CHL1: variants seen among roughly 807,000 people sequenced by gnomAD.
The protein encoded by CHL1 is cell adhesion molecule L1 like.
CHL1 carries 96 observed loss-of-function variants against 141.9 expected under a neutral mutation model. That is an observed-to-expected ratio of 0.68 (90% CI 0.57 to 0.80). The LOEUF is 0.80. Among genes scored for constraint, CHL1 ranks in the 30% least tolerant of loss-of-function variants. CHL1 has a pLI of 0.00. For synonymous variants in CHL1, 613 were observed against 502.2 expected, an observed-to-expected ratio of 1.22 and a Z score of -2.95; for missense variants, 1,820 against 1,457.2, an observed-to-expected ratio of 1.25 and a Z score of -4.05.
intron 2 of CHL1, among the ~76,000 whole-genome samples, chr3:278,359 G>A (rs181286546): frequency 6.6e-6 from 1 of 152,166 alleles, no homozygotes; most frequent in East Asian, 1.9e-4. Context: ...TCCCCATTGC[G>A]CTAAGTGGCG....
At chr3:228,666 G>T (rs546381790) in intron 1 of CHL1, among the ~76,000 whole-genome samples, 1 of 152,096 alleles carries the variant, frequency 6.6e-6, no homozygotes, top group Non-Finnish European at 1.5e-5. Context: ...TTTTATAATG[G>T]CTCATTAACC....
chr3:305,952 G>A (rs1699190907), intron 2 of CHL1, among the ~76,000 whole-genome samples: 2 of 152,052 alleles, frequency 1.3e-5, no homozygotes, highest in Non-Finnish European at 2.9e-5. Context: ...AAACACATAA[G>A]ACTATTAAAC....
At chr3:328,027 T>C in intron 4 of CHL1, 140 bp from the exon 5 acceptor site, 4 of 478,174 alleles carry the variant, frequency 8.4e-6, no homozygotes, top group Non-Finnish European at 1.4e-5. Context: ...GACCCTTATT[T>C]ATATCCTGTT....
chr3:347,651 G>C (rs903743138), intron 9 of CHL1, among the ~76,000 whole-genome samples: 2 of 152,160 alleles, frequency 1.3e-5, no homozygotes, highest in African/African-American at 2.4e-5. Context: ...TCCTGTTTTA[G>C]GGGAAGTGAG....
At chr3:295,247 A>G (rs1698081876) in intron 2 of CHL1, among the ~76,000 whole-genome samples, 1 of 152,304 alleles carries the variant, frequency 6.6e-6, no homozygotes, top group South Asian at 2.1e-4. Flanking sequence ...AGGCAAAATT[A>G]TTTTCTTTAC....
chr3:345,253 A>G (rs1398359694), intron 9 of CHL1, among the ~76,000 whole-genome samples: 1 of 151,854 alleles, frequency 6.6e-6, no homozygotes, highest in Non-Finnish European at 1.5e-5. Flanking sequence ...ATGCTATACT[A>G]CTTGCCCCAC....
intron 2 of CHL1, among the ~76,000 whole-genome samples, chr3:264,622 T>C (rs757023736): frequency 6.6e-6 from 1 of 152,178 alleles, no homozygotes; most frequent in Non-Finnish European, 1.5e-5. Context: ...CTTTGACATA[T>C]TCAGAATTTG....
chr3:390,620 CATT>C, intron 20 of CHL1, 78 bp from the exon 21 acceptor site: 1 of 798,544 alleles, frequency 1.3e-6, no homozygotes, highest in Non-Finnish European at 2.1e-6. Flanking sequence ...CCAGAAGAAA[CATT>C]ATGAAAATTT....
intron 1 of CHL1, among the ~76,000 whole-genome samples, chr3:204,169 T>TGAC (rs1165721138): frequency 1.3e-5 from 2 of 152,250 alleles, no homozygotes; most frequent in African/African-American, 4.8e-5. Flanking sequence ...AGATGAGAGC[T>TGAC]GACATAGCAG....
intron 1 of CHL1, among the ~76,000 whole-genome samples, chr3:199,258 T>G (rs921415939): frequency 2.0e-5 from 3 of 152,332 alleles, no homozygotes; most frequent in Non-Finnish European, 4.4e-5. Context: ...GACAAATAGT[T>G]ATTACTGGAT....
chr3:349,953 C>G (rs952916685), intron 10 of CHL1, among the ~76,000 whole-genome samples: 2 of 148,804 alleles, frequency 1.3e-5, no homozygotes, highest in East Asian at 2.0e-4. Context: ...TTGCTGTGCC[C>G]TTTGCCATTT....
chr3:234,202 T>C (rs936522476), intron 1 of CHL1, among the ~76,000 whole-genome samples: 3 of 150,882 alleles, frequency 2.0e-5, no homozygotes, highest in Admixed American at 1.3e-4. Flanking sequence ...TGTATATATA[T>C]ATATATGTAT....
At chr3:335,808 T>A (rs1415407891) in intron 5 of CHL1, among the ~76,000 whole-genome samples, 1 of 152,186 alleles carries the variant, frequency 6.6e-6, no homozygotes, top group Admixed American at 6.5e-5. Context: ...ACAGAAGTTG[T>A]TGAGATGCAG....
chr3:218,974 G>A (rs919433992), intron 1 of CHL1, among the ~76,000 whole-genome samples: 23 of 151,942 alleles, frequency 1.5e-4, no homozygotes, highest in Admixed American at 1.4e-3. Context: ...GTGAAACCCC[G>A]TCAGTAAATA....
intron 5 of CHL1, among the ~76,000 whole-genome samples, chr3:334,066 T>A (rs1701672738): frequency 6.6e-6 from 1 of 152,002 alleles, no homozygotes; most frequent in Admixed American, 6.6e-5. Flanking sequence ...TAGCAATCCT[T>A]CCACCTAAAC....
intron 2 of CHL1, among the ~76,000 whole-genome samples, chr3:305,962 CAT>C (rs1311386783): frequency 2.0e-5 from 3 of 152,044 alleles, no homozygotes; most frequent in Admixed American, 1.3e-4. Flanking sequence ...GACTATTAAA[CAT>C]GTGTATTTAA....
intron 1 of CHL1, among the ~76,000 whole-genome samples, chr3:227,538 A>G (rs1701462869): frequency 6.6e-6 from 1 of 152,212 alleles, no homozygotes; most frequent in South Asian, 2.1e-4. Context: ...GAACAAATAC[A>G]AAAGGCATGC....
At chr3:326,764 G>C (rs948207916) in intron 4 of CHL1, among the ~76,000 whole-genome samples, 29 of 151,642 alleles carry the variant, frequency 1.9e-4, no homozygotes, top group African/African-American at 6.8e-4. Flanking sequence ...GGAAAGCAAA[G>C]CTACATACTT....
At chr3:257,285 G>C (rs147853993) in intron 2 of CHL1, among the ~76,000 whole-genome samples, 191 of 151,798 alleles carry the variant, frequency 1.3e-3, no homozygotes, top group African/African-American at 4.4e-3. Flanking sequence ...AGAGTCAAAG[G>C]CTGGTTTTGT....
Sources: gnomAD v4.1 joint callset for allele counts (sites outside exome capture counted in the v4.1 genomes callset) on GRCh38, gnomAD v4.1.1 for gene constraint, MANE v1.5 for transcripts, NCBI Gene and HGNC (gene_info 2026-07-23, HGNC 2026-07-21) for gene names.